The following FLYWCH1 variants were observed in gnomAD, a reference collection of about 807,000 sequenced individuals.
The protein encoded by FLYWCH1 is FLYWCH-type zinc finger-containing protein 1.
FLYWCH1 carries 75 observed loss-of-function variants against 66.4 expected under a neutral mutation model. That is an observed-to-expected ratio of 1.13 (90% CI 0.94 to 1.37). The LOEUF (loss-of-function observed/expected upper bound fraction) is 1.37, where lower values mean the gene tolerates loss of function less well. FLYWCH1 is among the 40% of genes most tolerant of loss of function. The pLI is 0.00. For missense variants in FLYWCH1, 1,334 were observed against 1,001.8 expected, an observed-to-expected ratio of 1.33 and a Z score of -4.48; for synonymous variants, 595 against 429.9, an observed-to-expected ratio of 1.38 and a Z score of -4.75.
At chr16:2,922,644 C>T (rs988407782) in intron 2 of FLYWCH1, 2 of 423,748 alleles carry the variant, frequency 4.7e-6, no homozygotes, top group Non-Finnish European at 9.1e-6. Flanking sequence ...TAGAATTAGC[C>T]AGCCGGACTC....
At chr16:2,925,648 C>T (rs997579905) in intron 2 of FLYWCH1, among the ~76,000 whole-genome samples, 1 of 151,696 alleles carries the variant, frequency 6.6e-6, no homozygotes, top group Non-Finnish European at 1.5e-5. Context: ...GAGGCGCCTG[C>T]GAAGTCAGCT....
Position 2,930,400 on chromosome 16 carries a change from G to A in FLYWCH1, c.326-10G>A, listed in dbSNP as rs772351175. ...CTAGCTTAGCTAACCTAGCCTTCCC[G>A]TTCCCCCAGCAGCCCCTCAGTCCCT... On this transcript the variant is annotated splice_polypyrimidine_tract_variant and intron_variant, in intron 3 of 9. Transcript: ENST00000253928. 2.9e-5 allele frequency: 42 copies of A among 1,438,548 alleles called. No individual in the cohort carries two copies. In the South Asian group the frequency reaches 3.9e-4, roughly 13 times the overall value. The allele number at this position is 1,438,548 out of a possible 1,614,324, so 89.1% of individuals were successfully genotyped here.
intron 2 of FLYWCH1, among the ~76,000 whole-genome samples, chr16:2,923,439 C>T (rs2070449210): frequency 2.6e-5 from 4 of 152,088 alleles, no homozygotes; most frequent in South Asian, 2.1e-4. Flanking sequence ...TAGAGACGGG[C>T]TTGCCTATGT....
intron 2 of FLYWCH1, chr16:2,928,711 C>G (rs1197140690): frequency 6.6e-6 from 1 of 151,500 alleles, no homozygotes; most frequent in African/African-American, 2.5e-5. Flanking sequence ...ATCTCTCTCT[C>G]TTTTCCCCAC....
intron 6 of FLYWCH1, 52 bp downstream of exon 6, chr16:2,934,031 A>G (rs1029298466): frequency 2.0e-6 from 3 of 1,467,508 alleles, no homozygotes; most frequent in Admixed American, 4.7e-5. Flanking sequence ...CAGGAGCCCC[A>G]CACTGCCTTT....
chr16:2,915,652 A>T (rs1353335201), intron 2 of FLYWCH1, among the ~76,000 whole-genome samples: 1 of 152,132 alleles, frequency 6.6e-6, no homozygotes, highest in Non-Finnish European at 1.5e-5. Flanking sequence ...TCACGCCTGT[A>T]ATCCCAGCAC....
chr16:2,929,455 G>A (rs2070682637), intron 2 of FLYWCH1, among the ~76,000 whole-genome samples, 158 bp from the exon 3 acceptor site: 1 of 152,142 alleles, frequency 6.6e-6, no homozygotes, highest in South Asian at 2.1e-4. Context: ...GCCAGGAGAG[G>A]AACTGGCAGA....
chr16:2,933,082 G>C lies in FLYWCH1; in HGVS notation c.797-48G>C, dbSNP rs201378516. ...CAGTCTGCAGGGGCTGTCCCTCCTG[G>C]GCTCCTCTCCACCCCTGGTGATGTG... On this transcript the variant is annotated intron_variant, in intron 4 of 9. Coordinates refer to ENST00000253928, the MANE Select transcript of FLYWCH1 (RefSeq NM_001308068.2). 6,134 of 1,536,494 alleles carry C rather than the reference G, an allele frequency of 4.0e-3. 18 individuals are homozygous for C. Among genetic ancestry groups the C allele is most frequent in the Non-Finnish European group, 5.0e-3 (5,584 of 1,123,692 alleles).
At chr16:2,937,427 G>A (rs1456466033) in intron 7 of FLYWCH1, 43 bp downstream of exon 7, 1 of 1,492,668 alleles carries the variant, frequency 6.7e-7, no homozygotes, top group East Asian at 2.3e-5. Context: ...TGGTCTCCCA[G>A]GACCTGTGCC....
chr16:2,922,434 C>T (rs1420578771), intron 2 of FLYWCH1: 1 of 199,174 alleles, frequency 5.0e-6, no homozygotes, highest in Non-Finnish European at 1.0e-5. Context: ...ACCTTTTCAT[C>T]TTCCCCAACG....
chr16:2,922,775 C>T (rs576412427), intron 2 of FLYWCH1: 1 of 520,336 alleles, frequency 1.9e-6, no homozygotes, highest in South Asian at 1.4e-5. Context: ...CCACAACCAC[C>T]TCACAGAGTT....
intron 2 of FLYWCH1, among the ~76,000 whole-genome samples, chr16:2,929,181 C>T (rs1043469293): frequency 4.6e-5 from 7 of 152,304 alleles, no homozygotes; most frequent in Non-Finnish European, 7.4e-5. Flanking sequence ...CTCAGCTTCC[C>T]GCCTCTTCAG....
chr16:2,932,109 CT>C (rs1354235886), intron 4 of FLYWCH1, among the ~76,000 whole-genome samples: 1 of 125,936 alleles, frequency 7.9e-6, no homozygotes, highest in East Asian at 2.1e-4. Flanking sequence ...AAGAGCAAGA[CT>C]CTGTCTCAAA....
intron 2 of FLYWCH1, among the ~76,000 whole-genome samples, chr16:2,916,854 G>A (rs1338624893): frequency 6.6e-6 from 1 of 150,522 alleles, no homozygotes; most frequent in Non-Finnish European, 1.5e-5. Flanking sequence ...TTTCAAAAAC[G>A]AGGAAATCGG....
At chr16:2,937,485 G>A in intron 7 of FLYWCH1, 101 bp downstream of exon 7, 1 of 1,355,244 alleles carries the variant, frequency 7.4e-7, no homozygotes, top group South Asian at 1.7e-5. Flanking sequence ...TGTTGTGCAT[G>A]GTGGTCTGAC....
At chr16:2,934,448 G>A (rs367825786) in intron 6 of FLYWCH1, among the ~76,000 whole-genome samples, 1 of 152,176 alleles carries the variant, frequency 6.6e-6, no homozygotes, top group African/African-American at 2.4e-5. Context: ...ACGCTGGCCC[G>A]AGGAGGGTCC....
At chr16:2,927,045 C>T (rs1426318520) in intron 2 of FLYWCH1, among the ~76,000 whole-genome samples, 1 of 152,210 alleles carries the variant, frequency 6.6e-6, no homozygotes, top group Non-Finnish European at 1.5e-5. Flanking sequence ...TCAATACTGG[C>T]TGCCAGCCGA....
chr16:2,945,480 C>A (rs2071439132), intron 9 of FLYWCH1, among the ~76,000 whole-genome samples: 2 of 92,120 alleles, frequency 2.2e-5, no homozygotes, highest in Non-Finnish European at 2.0e-5. Flanking sequence ...AGCGAGACTC[C>A]ATCTCAAAAA....
At chr16:2,919,602 C>T (rs2070297447) in intron 2 of FLYWCH1, among the ~76,000 whole-genome samples, 2 of 151,986 alleles carry the variant, frequency 1.3e-5, no homozygotes, top group East Asian at 1.9e-4. Flanking sequence ...GTGATGTTGC[C>T]CAGATTGGCT....
Sources: allele counts gnomAD v4.1 joint callset (sites outside exome capture counted in the v4.1 genomes callset), GRCh38; gene constraint gnomAD v4.1.1; transcripts MANE v1.5; gene names NCBI Gene and HGNC (gene_info 2026-07-23, HGNC 2026-07-21).